ANO10: variants seen among roughly 807,000 people sequenced by gnomAD.
The protein encoded by ANO10 is anoctamin-10.
Under a neutral mutation model 74.7 loss-of-function variants are expected in ANO10, and 77 were observed. That is an observed-to-expected ratio of 1.03 (90% CI 0.86 to 1.25). The LOEUF is 1.25. Ranked by LOEUF, ANO10 falls within the 50% of genes most tolerant of loss-of-function variation. The pLI is 0.00. For synonymous variants in ANO10, 279 were observed against 284.9 expected (o/e 0.98, Z 0.21); for missense variants, 721 against 778.1 (o/e 0.93, Z 0.87).
intron 12 of ANO10, among the ~76,000 whole-genome samples, chr3:43,383,620 A>G (rs1010841845): frequency 1.3e-5 from 2 of 152,230 alleles, no homozygotes; most frequent in Admixed American, 1.3e-4. Flanking sequence ...GGATGATTTA[A>G]CATTCACAAG....
chr3:43,633,995 CA>C lies in ANO10; in HGVS notation c.-11-28133del, dbSNP rs5848667. 1.5e-3 allele frequency among the ~76,000 whole-genome samples: 191 copies of C among 124,006 alleles called. 3 individuals carry two copies. Among genetic ancestry groups the C allele is most frequent in the South Asian group, 0.011 (42 of 3,806 alleles). The allele number at this position is 124,006 out of a possible 152,430, so 81.4% of individuals were successfully genotyped here. A position where few individuals can be genotyped will look rare whatever the true frequency, so the allele number is the denominator to read the frequency against. On this transcript the variant is annotated intron_variant, in intron 1 of 3. Transcript: ENST00000413397. ...ACATTATCTTTCTTATCATGGACAG[CA>C]AAAAAAAAAAAAAAAAAAATCTGCC...
intron 12 of ANO10, among the ~76,000 whole-genome samples, chr3:43,371,109 A>T (rs1053557395): frequency 6.6e-6 from 1 of 152,152 alleles, no homozygotes; most frequent in South Asian, 2.1e-4. Flanking sequence ...ATTTGATTAC[A>T]TCTCCTGCTC....
At chr3:43,596,607 T>A (rs930051088) in intron 4 of ANO10, among the ~76,000 whole-genome samples, 3 of 152,122 alleles carry the variant, frequency 2.0e-5, no homozygotes, top group Admixed American at 6.5e-5. Context: ...TATACAAAAA[T>A]TAATTCAAGA....
At position 43,527,979 on chromosome 3, in the gene ANO10, G is replaced by A. The variant is rs370456372; in HGVS notation, c.1797+21741C>T. Reference sequence around the variant, plus strand: ...TATCTCCTGGAGGCTGAAGATTATCGGAAAGAAGAAAGCAAAAGGTAGAAA... The same window carrying A: ...TATCTCCTGGAGGCTGAAGATTATCAGAAAGAAGAAAGCAAAAGGTAGAAA... On this transcript the variant is annotated intron_variant, in intron 11 of 12. Transcript: ENST00000292246. 5.1e-4 allele frequency among the ~76,000 whole-genome samples: 77 copies of A among 152,064 alleles called. 1 individual carries two copies. In the South Asian group the frequency reaches 0.015, roughly 30 times the overall value.
intron 11 of ANO10, among the ~76,000 whole-genome samples, chr3:43,469,927 T>C (rs1207184956): frequency 6.6e-6 from 1 of 152,228 alleles, no homozygotes; most frequent in East Asian, 1.9e-4. Flanking sequence ...GGAAACATTC[T>C]TGGACATACT....
intron 11 of ANO10, among the ~76,000 whole-genome samples, chr3:43,439,288 C>G (rs980183231): frequency 4.0e-5 from 6 of 151,264 alleles, no homozygotes; most frequent in African/African-American, 1.5e-4. Context: ...CTGGAAAAAT[C>G]ATCCTTCAAA....
intron 11 of ANO10, among the ~76,000 whole-genome samples, chr3:43,547,448 T>C (rs2079246862): frequency 6.6e-6 from 1 of 152,224 alleles, no homozygotes; most frequent in Non-Finnish European, 1.5e-5. Context: ...GGCAGGGCTA[T>C]GATCCCCCTG....
chr3:43,545,782 T>C (rs1249346830), intron 11 of ANO10, among the ~76,000 whole-genome samples: 2 of 152,224 alleles, frequency 1.3e-5, no homozygotes, highest in Non-Finnish European at 2.9e-5. Context: ...TTGAAATATG[T>C]ATATCCTATG....
rs554341319 is a variant in ANO10, at chr3:43,368,133, C to T, written c.1915-1159G>A. 1.8e-3 allele frequency among the ~76,000 whole-genome samples: 279 copies of T among 152,304 alleles called. 1 individual carries two copies. Among genetic ancestry groups the T allele is most frequent in the African/African-American group, 6.3e-3 (261 of 41,564 alleles). On this transcript the variant is annotated intron_variant, in intron 12 of 12. Coordinates refer to ENST00000292246, the MANE Select transcript of ANO10 (RefSeq NM_018075.5). ...TGAGCCTGGCCTGTCTCCCACAGGG[C>T]GGCTCATGATGGCTCCTGGAAGCTG...
At chr3:43,422,821 TTG>T (rs2092839236) in intron 12 of ANO10, among the ~76,000 whole-genome samples, 1 of 152,208 alleles carries the variant, frequency 6.6e-6, no homozygotes, top group African/African-American at 2.4e-5. Flanking sequence ...CTTACATACA[TTG>T]TTTACTGAGG....
At chr3:43,568,673 C>T (rs1444276479) in intron 7 of ANO10, among the ~76,000 whole-genome samples, 6 of 149,560 alleles carry the variant, frequency 4.0e-5, no homozygotes, top group East Asian at 1.9e-4. Flanking sequence ...ATCTCTGGGG[C>T]GCATTCAAAG....
At chr3:43,684,952 G>A (rs979389713) in intron 1 of ANO10, among the ~76,000 whole-genome samples, 1 of 152,136 alleles carries the variant, frequency 6.6e-6, no homozygotes, top group African/African-American at 2.4e-5. Flanking sequence ...GCATGGGGAG[G>A]GATAGCATTA....
At chr3:43,673,350 C>A (rs1191957460) in intron 1 of ANO10, among the ~76,000 whole-genome samples, 1 of 152,166 alleles carries the variant, frequency 6.6e-6, no homozygotes, top group African/African-American at 2.4e-5. Flanking sequence ...CTGAAGGATG[C>A]ATTTTCAAAA....
At chr3:43,516,510 C>A (rs2077717639) in intron 11 of ANO10, among the ~76,000 whole-genome samples, 1 of 152,174 alleles carries the variant, frequency 6.6e-6, no homozygotes, top group Admixed American at 6.5e-5. Flanking sequence ...GTTAAGGAGG[C>A]TGGACTTTAT....
At chr3:43,668,052 C>A (rs1022122919) in intron 1 of ANO10, among the ~76,000 whole-genome samples, 1 of 152,072 alleles carries the variant, frequency 6.6e-6, no homozygotes, top group Non-Finnish European at 1.5e-5. Flanking sequence ...TCCCACCAGT[C>A]GGGTAAAACT....
chr3:43,667,631 T>C (rs1330370769), intron 1 of ANO10, among the ~76,000 whole-genome samples: 1 of 152,156 alleles, frequency 6.6e-6, no homozygotes, highest in Non-Finnish European at 1.5e-5. Context: ...GCCCATTGTA[T>C]TATTCTTATG....
intron 11 of ANO10, among the ~76,000 whole-genome samples, chr3:43,501,199 G>C (rs1046599847): frequency 2.6e-5 from 4 of 152,124 alleles, no homozygotes; most frequent in African/African-American, 9.7e-5. Flanking sequence ...GAAGGTGAAG[G>C]GGAGCCAGCT....
intron 7 of ANO10, among the ~76,000 whole-genome samples, chr3:43,568,417 T>C (rs1203478742): frequency 2.6e-5 from 4 of 152,090 alleles, no homozygotes; most frequent in African/African-American, 4.8e-5. Context: ...TATTCCAAAA[T>C]TGACCACATA....
intron 11 of ANO10, among the ~76,000 whole-genome samples, chr3:43,444,905 C>T (rs919451142): frequency 1.3e-5 from 2 of 152,022 alleles, no homozygotes; most frequent in African/African-American, 2.4e-5. Context: ...GGGCGGATCA[C>T]TAGGTCAGGA....
Sources: gnomAD v4.1 joint callset for allele counts (sites outside exome capture counted in the v4.1 genomes callset) on GRCh38, gnomAD v4.1.1 for gene constraint, MANE v1.5 for transcripts, NCBI Gene and HGNC (gene_info 2026-07-23, HGNC 2026-07-21) for gene names.